Variants in GPR78 observed in about 807,000 individuals in gnomAD.
GPR78 encodes G protein-coupled receptor 78.
GPR78 carries 29 observed loss-of-function variants against 17.9 expected under a neutral mutation model. That is an observed-to-expected ratio of 1.62 (90% CI 1.20 to 2.21). The LOEUF (loss-of-function observed/expected upper bound fraction) is 2.21. GPR78 is among the 30% of genes most tolerant of loss of function. The pLI is 0.00. For synonymous variants in GPR78, 349 were observed against 256.9 expected, an observed-to-expected ratio of 1.36 and a Z score of -3.43; for missense variants, 649 against 530.5, an observed-to-expected ratio of 1.22 and a Z score of -2.19.
chr4:8,589,624 G>T lies in GPR78; in HGVS notation c.*2261G>T, dbSNP rs1713668934. ...CCAGGTGCGAGGAGCCTGCCAGCCA[G>T]TGGGGCCTACACTCTGTGTTATTGC... On this transcript the variant is annotated 3_prime_UTR_variant, in exon 3 of 3. Coordinates refer to ENST00000382487, the MANE Select transcript of GPR78 (RefSeq NM_080819.5). Among the ~76,000 whole-genome samples the T allele has an allele frequency of 6.6e-6, 1 of 152,262 alleles. No individual in the cohort carries two copies.
rs546669148 is a variant in GPR78 at position 8,589,041 on chromosome 4, A to AT, written c.*1687dup. Among the ~76,000 whole-genome samples, 227 of 150,082 alleles carry AT rather than the reference A, an allele frequency of 1.5e-3. No individual in the cohort carries two copies. Among genetic ancestry groups the AT allele is most frequent in the Middle Eastern group, 3.4e-3 (1 of 292 alleles). ...GACACCATGCCTGGCTAATTTTTGT[A>AT]TTTTTTTTTGTAGAGATGGCGGTCT... On this transcript the variant is annotated 3_prime_UTR_variant, in exon 3 of 3. Coordinates refer to ENST00000382487, the MANE Select transcript of GPR78 (RefSeq NM_080819.5).
At chr4:8,583,683 A>T (rs1175351293) in intron 2 of GPR78, among the ~76,000 whole-genome samples, 2 of 115,064 alleles carry the variant, frequency 1.7e-5, no homozygotes, top group Non-Finnish European at 3.3e-5. Flanking sequence ...TGGGTGGCTT[A>T]GATATGTTGT....
rs1198935641 is a variant in GPR78, at chr4:8,587,368, C to T, written c.*5C>T. Reference sequence around the variant, plus strand: ...TGCCTGCAGCAGACACACTGAGGGCCTGGCAGGGCTCATCGCCCCCACCTT... The same window carrying T: ...TGCCTGCAGCAGACACACTGAGGGCTTGGCAGGGCTCATCGCCCCCACCTT... On this transcript the variant is annotated 3_prime_UTR_variant, in exon 3 of 3. Coordinates refer to ENST00000382487, the MANE Select transcript of GPR78 (RefSeq NM_080819.5). 16 of 1,608,548 alleles carry T rather than the reference C, an allele frequency of 9.9e-6. No homozygotes were observed. Among genetic ancestry groups the T allele is most frequent in the Middle Eastern group, 1.6e-4 (1 of 6,068 alleles).
Position 8,588,326 on chromosome 4 carries a change from C to T in GPR78, c.*963C>T, listed in dbSNP as rs1648837184. ...TGGAGCATCCCTGAGTAGTGGTGTGCATCACCCCCAGTTTAGTAATCACGG... is the reference window on the plus strand; with the variant it reads ...TGGAGCATCCCTGAGTAGTGGTGTGTATCACCCCCAGTTTAGTAATCACGG... On this transcript the variant is annotated 3_prime_UTR_variant, in exon 3 of 3. Coordinates refer to ENST00000382487, the MANE Select transcript of GPR78 (RefSeq NM_080819.5). Among the ~76,000 whole-genome samples the T allele has an allele frequency of 6.6e-6, 1 of 152,204 alleles. No homozygotes were observed. Among genetic ancestry groups the T allele is most frequent in the Admixed American group, 6.5e-5 (1 of 15,290 alleles).
chr4:8,588,929 C>T lies in GPR78; in HGVS notation c.*1566C>T, dbSNP rs1346987187. On this transcript the variant is annotated 3_prime_UTR_variant, in exon 3 of 3. Transcript: ENST00000382487. ...TTGCCTAGGCTAGAGTGCAGTGGTG[C>T]AATCTCAGCTCACTGCAGCCTCCAC... is the stretch of plus-strand genomic sequence containing the variant. Among the ~76,000 whole-genome samples the T allele has an allele frequency of 6.6e-6, 1 of 152,208 alleles. No homozygotes were observed. The highest frequency in any genetic ancestry group is 6.5e-5 in the Admixed American group (1 of 15,290).
At position 8,589,385 on chromosome 4, in the gene GPR78, G is replaced by C. The variant is rs1325019678; in HGVS notation, c.*2022G>C. ...GGGTTCCAAGCAGGAGGTGGGGCAG[G>C]TGGGCGTCATGCCCTGATTCACAGA... is the stretch of plus-strand genomic sequence containing the variant. On this transcript the variant is annotated 3_prime_UTR_variant, in exon 3 of 3. Coordinates refer to ENST00000382487, the MANE Select transcript of GPR78 (RefSeq NM_080819.5). Among the ~76,000 whole-genome samples the C allele has an allele frequency of 2.0e-5, 3 of 152,100 alleles. No individual in the cohort carries two copies. Among genetic ancestry groups the C allele is most frequent in the Non-Finnish European group, 4.4e-5 (3 of 68,014 alleles).
chr4:8,582,601 A>G lies in GPR78; in HGVS notation c.739A>G (p.Ile247Val), dbSNP rs759012493. 10 of 1,613,530 alleles carry G rather than the reference A, an allele frequency of 6.2e-6. No individual in the cohort carries two copies. The highest frequency in any genetic ancestry group is 1.7e-5 in the Admixed American group (1 of 60,016). ...HRATRKIGIA[I>V]ATFLICFAPY... ...CGCCACCAGGAAGATTGGCATTGCT[A>G]TTGCGACCTTCCTCATCTGCTTTGC... Residue 247 changes from isoleucine to valine, a missense_variant, in exon 2 of 3, where the codon ATT becomes GTT. Ile to Val is a conservative substitution (Grantham distance 29). Transcript: ENST00000382487.
In GPR78 at chr4:8,589,165, C is replaced by A. The variant is rs1713643713; in HGVS notation, c.*1802C>A. ...GGATTACAGGTGTGAGCCACCACAC[C>A]CAGCCAAAACCAGGTGTTATTTGCT... On this transcript the variant is annotated 3_prime_UTR_variant, in exon 3 of 3. Coordinates refer to ENST00000382487, the MANE Select transcript of GPR78 (RefSeq NM_080819.5). Among the ~76,000 whole-genome samples the A allele has an allele frequency of 6.6e-6, 1 of 151,888 alleles. No individual in the cohort carries two copies. Among genetic ancestry groups the A allele is most frequent in the African/African-American group, 2.4e-5 (1 of 41,218 alleles).
In GPR78 at chr4:8,588,863, T is replaced by C. The variant is rs1713630789; in HGVS notation, c.*1500T>C. ...TTCCCCAAAAACACAGGTGTTATTATTATACTTTTAAAAAACTTTTTGAGA... is the reference window on the plus strand; with the variant it reads ...TTCCCCAAAAACACAGGTGTTATTACTATACTTTTAAAAAACTTTTTGAGA... On this transcript the variant is annotated 3_prime_UTR_variant, in exon 3 of 3. Coordinates refer to ENST00000382487, the MANE Select transcript of GPR78 (RefSeq NM_080819.5). Among the ~76,000 whole-genome samples the C allele has an allele frequency of 1.3e-5, 2 of 152,212 alleles. No homozygotes were observed. The highest frequency in any genetic ancestry group is 1.3e-4 in the Admixed American group (2 of 15,280).
rs1713268631 is a variant in GPR78 at position 8,581,265 on chromosome 4, C to G, written c.283C>G (p.Leu95Val). 1.3e-6 allele frequency: 2 copies of G among 1,590,876 alleles called. No individual in the cohort carries two copies. Among genetic ancestry groups the G allele is most frequent in the African/African-American group, 2.7e-5 (2 of 74,820 alleles). The change falls in exon 1 of 3, where the codon CTG becomes GTG. Residue 95 changes from leucine (L) to valine (V), a missense_variant. Leu to Val is a conservative substitution (Grantham distance 32). Coordinates refer to ENST00000382487, the MANE Select transcript of GPR78 (RefSeq NM_080819.5). ...CACCTTCCTGGCGTCCAACGCGGCGCTGAGCGTGGCGGCGCTGAGCGCAGA... is the reference window on the plus strand; with the variant it reads ...CACCTTCCTGGCGTCCAACGCGGCGGTGAGCGTGGCGGCGCTGAGCGCAGA... ...LDTFLASNAA[L>V]SVAALSADQW...
intron 1 of GPR78, 84 bp downstream of exon 1, chr4:8,581,734 C>T (rs1717054894): frequency 1.9e-6 from 2 of 1,033,930 alleles, no homozygotes; most frequent in African/African-American, 3.3e-5. Context: ...CTGTGGGCAT[C>T]ACCACCGTTA....
intron 2 of GPR78, among the ~76,000 whole-genome samples, chr4:8,583,294 G>T (rs1713371480): frequency 6.6e-6 from 1 of 152,186 alleles, no homozygotes; most frequent in Admixed American, 6.5e-5. Flanking sequence ...TGTGCACCCT[G>T]CCTTGCTGGA....
intron 1 of GPR78, 90 bp downstream of exon 1, chr4:8,581,740 C>T: frequency 3.1e-6 from 3 of 961,310 alleles, no homozygotes; most frequent in South Asian, 3.8e-5. Context: ...GCATCACCAC[C>T]GTTACTCCGC....
At position 8,580,658 on chromosome 4, in the gene GPR78, C is replaced by CGCGCCCCT; in HGVS notation, c.-319_-312dup. The CGCGCCCCT allele has an allele frequency of 2.3e-6, 1 of 432,140 alleles. No individual in the cohort carries two copies. 26.8% of individuals were successfully genotyped at this position (432,140 alleles called of 1,614,324 possible). ...AGAGACCTCCCTCGCCCCTACGCCC[C>CGCGCCCCT]GCGCCCCTGCGCCTCGCTTCAGCCT... On this transcript the variant is annotated 5_prime_UTR_variant, in exon 1 of 3. Coordinates refer to ENST00000382487, the MANE Select transcript of GPR78 (RefSeq NM_080819.5).
chr4:8,586,114 T>C (rs13146971), intron 2 of GPR78, among the ~76,000 whole-genome samples: 4,760 of 152,210 alleles, frequency 0.031, 133 homozygotes, highest in East Asian at 0.083. Context: ...AGAAGCCTCG[T>C]CCTCACTCTG....
rs937379509 is a variant in GPR78, at chr4:8,589,638, CTG to C, written c.*2279_*2280del. 1.2e-4 allele frequency among the ~76,000 whole-genome samples: 19 copies of C among 152,380 alleles called. No individual in the cohort carries two copies. Among genetic ancestry groups the C allele is most frequent in the African/African-American group, 4.6e-4 (19 of 41,600 alleles). On this transcript the variant is annotated 3_prime_UTR_variant, in exon 3 of 3. Transcript: ENST00000382487. ...CCTGCCAGCCAGTGGGGCCTACACT[CTG>C]TGTTATTGCATCTCCGCCAGGCTAA...
At chr4:8,581,675 G>C (rs1293555402) in intron 1 of GPR78, 25 bp downstream of exon 1, 3 of 1,424,390 alleles carry the variant, frequency 2.1e-6, no homozygotes, top group African/African-American at 2.9e-5. Flanking sequence ...CATGCCGACA[G>C]GCCCAGGCCA....
chr4:8,586,489 G>A (rs1382499792), intron 2 of GPR78, among the ~76,000 whole-genome samples: 1 of 152,208 alleles, frequency 6.6e-6, no homozygotes, highest in East Asian at 1.9e-4. Flanking sequence ...TCATGTGGGT[G>A]AGGTGGTCAC....
chr4:8,585,401 C>T (rs1713462561), intron 2 of GPR78, among the ~76,000 whole-genome samples: 2 of 152,198 alleles, frequency 1.3e-5, no homozygotes, highest in Non-Finnish European at 1.5e-5. Flanking sequence ...CTTTCTTACT[C>T]ACCTGCAGCC....
Sources: gnomAD v4.1 joint callset for allele counts (sites outside exome capture counted in the v4.1 genomes callset) on GRCh38, gnomAD v4.1.1 for gene constraint, MANE v1.5 for transcripts, NCBI Gene and HGNC (gene_info 2026-07-23, HGNC 2026-07-21) for gene names.